Variants in STON2 observed in about 807,000 individuals in gnomAD.
STON2 encodes the protein stonin 2.
Under a neutral mutation model 65.7 loss-of-function variants are expected in STON2, and 29 were observed. The ratio of observed to expected loss-of-function variants is 0.44; its 90% CI spans 0.33 to 0.60. STON2 has a LOEUF of 0.60. STON2 is among the 20% of genes least tolerant of loss of function. The pLI, the probability that STON2 is intolerant of heterozygous loss-of-function variation, is 0.03. For synonymous variants in STON2, 404 were observed against 414.2 expected, an observed-to-expected ratio of 0.98 and a Z score of 0.30; for missense variants, 1,054 against 1,118.1, an observed-to-expected ratio of 0.94 and a Z score of 0.82.
At chr14:81,383,752 A>G (rs1899649973) in intron 3 of STON2, among the ~76,000 whole-genome samples, 1 of 152,042 alleles carries the variant, frequency 6.6e-6, no homozygotes, top group Non-Finnish European at 1.5e-5. Context: ...CTATTCTCAG[A>G]TACACCACTC....
intron 3 of STON2, among the ~76,000 whole-genome samples, chr14:81,381,714 T>G (rs753247209): frequency 6.6e-6 from 1 of 152,180 alleles, no homozygotes; most frequent in Non-Finnish European, 1.5e-5. Flanking sequence ...GTCTTTCATG[T>G]ACAGCTGGTA....
At chr14:81,301,169 ATAAT>A (rs1403822147) in intron 5 of STON2, among the ~76,000 whole-genome samples, 4 of 152,338 alleles carry the variant, frequency 2.6e-5, no homozygotes, top group East Asian at 1.9e-4. Flanking sequence ...AATAATAGAA[ATAAT>A]TAATAGAGAA....
chr14:81,298,999 A>C (rs1253803128), intron 5 of STON2, among the ~76,000 whole-genome samples: 2 of 152,232 alleles, frequency 1.3e-5, no homozygotes, highest in Admixed American at 6.5e-5. Context: ...CACCTCTACC[A>C]CCAAAATAAG....
At chr14:81,315,229 A>G (rs139283728) in intron 5 of STON2, among the ~76,000 whole-genome samples, 2 of 152,358 alleles carry the variant, frequency 1.3e-5, no homozygotes, top group Non-Finnish European at 2.9e-5. Flanking sequence ...GCCAGGGGTT[A>G]CATCTCAGAA....
chr14:81,356,389 G>C (rs1013445286), intron 4 of STON2, among the ~76,000 whole-genome samples: 1 of 152,178 alleles, frequency 6.6e-6, no homozygotes, highest in Non-Finnish European at 1.5e-5. Context: ...GCTTTTTGAT[G>C]TGTTGCTGGA....
chr14:81,325,238 G>T (rs963652883), intron 4 of STON2, among the ~76,000 whole-genome samples: 8 of 152,126 alleles, frequency 5.3e-5, no homozygotes, highest in Non-Finnish European at 1.0e-4. Flanking sequence ...TAATTCTGTG[G>T]GTTTCTAGTA....
At chr14:81,429,904 C>T (rs1398238244) in intron 1 of STON2, among the ~76,000 whole-genome samples, 1 of 151,352 alleles carries the variant, frequency 6.6e-6, no homozygotes, top group Non-Finnish European at 1.5e-5. Context: ...CACTGCACTC[C>T]GGCCTGGGTG....
chr14:81,371,210 G>A, intron 3 of STON2, 25 bp from the exon 4 acceptor site: 1 of 1,601,036 alleles, frequency 6.2e-7, no homozygotes, highest in East Asian at 2.2e-5. Flanking sequence ...AAAACCAAAA[G>A]CATACAATAT....
chr14:81,321,370 T>C (rs1005162520), intron 5 of STON2, among the ~76,000 whole-genome samples: 4 of 126,722 alleles, frequency 3.2e-5, no homozygotes, highest in African/African-American at 1.2e-4. Context: ...GTTTCTACTT[T>C]AAAAAAAAAA....
intron 5 of STON2, among the ~76,000 whole-genome samples, chr14:81,307,390 CA>C (rs1487653010): frequency 6.6e-6 from 1 of 152,118 alleles, no homozygotes; most frequent in Non-Finnish European, 1.5e-5. Context: ...CACTTGGACT[CA>C]AAGCTAGTGA....
chr14:81,329,080 G>A (rs976700260), intron 4 of STON2, among the ~76,000 whole-genome samples: 1 of 152,188 alleles, frequency 6.6e-6, no homozygotes, highest in African/African-American at 2.4e-5. Flanking sequence ...TTTGGAAATA[G>A]GGTGTTTACA....
intron 4 of STON2, among the ~76,000 whole-genome samples, chr14:81,370,058 C>T (rs1218390579): frequency 2.0e-5 from 3 of 152,156 alleles, no homozygotes; most frequent in Non-Finnish European, 4.4e-5. Context: ...TATCAAATAC[C>T]AAACCAAATC....
intron 3 of STON2, among the ~76,000 whole-genome samples, chr14:81,383,468 T>TCTGG (rs1899634043): frequency 1.3e-5 from 2 of 152,214 alleles, no homozygotes; most frequent in South Asian, 2.1e-4. Flanking sequence ...TAACTTTACA[T>TCTGG]GTCCAAAACT....
upstream of STON2, among the ~76,000 whole-genome samples, chr14:81,404,082 T>C (rs188250635): frequency 6.6e-6 from 1 of 152,320 alleles, no homozygotes; most frequent in Admixed American, 6.5e-5. Flanking sequence ...TAACATACAG[T>C]AGGTAGCCTC....
intron 2 of STON2, among the ~76,000 whole-genome samples, chr14:81,409,947 G>A (rs1901067939): frequency 6.6e-6 from 1 of 152,176 alleles, no homozygotes; most frequent in Admixed American, 6.5e-5. Context: ...ATATAGTTCT[G>A]AAATATAGTT....
At chr14:81,314,595 G>A (rs1831691378) in intron 5 of STON2, among the ~76,000 whole-genome samples, 1 of 152,304 alleles carries the variant, frequency 6.6e-6, no homozygotes, top group South Asian at 2.1e-4. Context: ...TGACAGTTAA[G>A]GCCTATTGAT....
At chr14:81,274,849 G>A (rs1271677213) in intron 6 of STON2, among the ~76,000 whole-genome samples, 2 of 151,970 alleles carry the variant, frequency 1.3e-5, no homozygotes, top group Admixed American at 1.3e-4. Flanking sequence ...AAGTTGCAGT[G>A]AGCCAAGATC....
At chr14:81,276,768 C>T in intron 6 of STON2, 133 bp downstream of exon 6, 1 of 1,044,426 alleles carries the variant, frequency 9.6e-7, no homozygotes, top group Non-Finnish European at 1.4e-6. Flanking sequence ...TTTTACTTTT[C>T]TGGTCCCACT....
chr14:81,285,143 G>A (rs754251457), intron 5 of STON2, among the ~76,000 whole-genome samples: 3 of 152,170 alleles, frequency 2.0e-5, no homozygotes, highest in Non-Finnish European at 4.4e-5. Context: ...CATGGATCAA[G>A]GAGTAATTGT....
Sources: allele counts gnomAD v4.1 joint callset (sites outside exome capture counted in the v4.1 genomes callset), GRCh38; gene constraint gnomAD v4.1.1; transcripts MANE v1.5; gene names NCBI Gene and HGNC (gene_info 2026-07-23, HGNC 2026-07-21).